ADNP2: variants seen among roughly 807,000 people sequenced by gnomAD.
The protein encoded by ADNP2 is activity-dependent neuroprotector homeobox protein 2.
In ADNP2, 8 loss-of-function variants were observed where a neutral mutation model predicts 16.4. That is an observed-to-expected ratio of 0.49 (90% CI 0.29 to 0.88). The LOEUF is 0.88. ADNP2 is among the 40% of genes least tolerant of loss of function. ADNP2 has a pLI of 0.09. For missense variants in ADNP2, 1,397 were observed against 1,395.1 expected, an observed-to-expected ratio of 1.00 and a Z score of -0.02; for synonymous variants, 637 against 545.8, an observed-to-expected ratio of 1.17 and a Z score of -2.33.
At position 80,136,886 on chromosome 18, in the gene ADNP2, G is replaced by T; in HGVS notation, c.1473G>T (p.Gln491His). The T allele has an allele frequency of 6.2e-7, 1 of 1,614,174 alleles. No individual in the cohort carries two copies. The highest frequency in any genetic ancestry group is 8.5e-7 in the Non-Finnish European group (1 of 1,180,018). The change falls in exon 4 of 4, where the codon CAG becomes CAT. Residue 491 changes from glutamine (Q) to histidine (H), a missense_variant. Coordinates refer to ENST00000262198, the MANE Select transcript of ADNP2 (RefSeq NM_014913.4). ...AGTCAGGAGTTCTCCCTGTGGGCCA[G>T]ACAGCTCCGTCACGGGTTCTTCCCC... Reference protein sequence around the residue: ...MVQSGVLPVGQTAPSRVLPPG... With the variant: ...MVQSGVLPVGHTAPSRVLPPG...
At chr18:80,133,834 A>AT (rs746819845) in intron 3 of ADNP2, 1,476 of 144,790 alleles carry the variant, frequency 0.01, 7 homozygotes, top group Non-Finnish European at 0.014. Flanking sequence ...CGTTGTCAGA[A>AT]TTTTTTTTTT....
chr18:80,140,334 A>G lies in ADNP2; in HGVS notation c.*1525A>G, dbSNP rs920021942. On this transcript the variant is annotated 3_prime_UTR_variant, in exon 4 of 4. Coordinates refer to ENST00000262198, the MANE Select transcript of ADNP2 (RefSeq NM_014913.4). ...TGTCTATTTTGAATTAAAATTTGTT[A>G]CACCGCTGCAAATAGAACTGTTTAA... The G allele has an allele frequency of 1.3e-5, 2 of 152,340 alleles. No homozygotes were observed. Among genetic ancestry groups the G allele is most frequent in the Admixed American group, 1.3e-4 (2 of 15,244 alleles). 9.4% of individuals were successfully genotyped at this position (152,340 alleles called of 1,614,324 possible). A position where few individuals can be genotyped will look rare whatever the true frequency, so the allele number is the denominator to read the frequency against.
Position 80,137,967 on chromosome 18 carries a change from C to T in ADNP2, c.2554C>T (p.Leu852=), listed in dbSNP as rs770021655. 2.5e-6 allele frequency: 4 copies of T among 1,613,290 alleles called. No homozygotes were observed. Among genetic ancestry groups the T allele is most frequent in the South Asian group, 2.2e-5 (2 of 91,080 alleles). ...AILAGIHSKS[L]VPVYVKVRPQ... ...CCTGGCTGGGATACACTCCAAGTCA[C>T]TGGTGCCTGTGTATGTGAAGGTGAG... The change falls in exon 4 of 4, where the codon CTG becomes TTG. Residue 852 remains leucine (L), a synonymous_variant. Coordinates refer to ENST00000262198, the MANE Select transcript of ADNP2 (RefSeq NM_014913.4). The surrounding 1 kb of genome is among the most constrained non-coding windows in gnomAD (Gnocchi z 4.2).
chr18:80,126,875 G>A (rs941461103), intron 2 of ADNP2, among the ~76,000 whole-genome samples: 1 of 152,076 alleles, frequency 6.6e-6, no homozygotes, highest in South Asian at 2.1e-4. Flanking sequence ...AGTCAACCAC[G>A]GTTTGAAAAT....
intron 2 of ADNP2, among the ~76,000 whole-genome samples, chr18:80,122,370 T>A (rs2052430439): frequency 6.6e-6 from 1 of 152,232 alleles, no homozygotes; most frequent in African/African-American, 2.4e-5. Flanking sequence ...GATAGACTTT[T>A]CCATTTCTGC....
intron 3 of ADNP2, 46 bp downstream of exon 3, chr18:80,133,238 CAGTGACTGTAAA>C: frequency 6.9e-7 from 1 of 1,459,056 alleles, no homozygotes; most frequent in African/African-American, 1.4e-5. Context: ...CAAAAGTGAG[CAGTGACTGTAAA>C]TGTGGTCTAA....
chr18:80,126,556 T>C (rs2052460290), intron 2 of ADNP2, among the ~76,000 whole-genome samples: 1 of 152,200 alleles, frequency 6.6e-6, no homozygotes, highest in Non-Finnish European at 1.5e-5. Flanking sequence ...TTTTCCCCTT[T>C]TTATATTTTA....
chr18:80,122,075 A>G (rs2052428886), intron 2 of ADNP2, among the ~76,000 whole-genome samples: 1 of 152,014 alleles, frequency 6.6e-6, no homozygotes, highest in African/African-American at 2.4e-5. Context: ...GCCTACCACC[A>G]TGTCTGGCTA....
At position 80,136,935 on chromosome 18, in the gene ADNP2, G is replaced by T. The variant is rs2052541803; in HGVS notation, c.1522G>T (p.Val508Phe). 1 of 1,613,746 alleles carries T rather than the reference G, an allele frequency of 6.2e-7. No individual in the cohort carries two copies. The highest frequency in any genetic ancestry group is 8.5e-7 in the Non-Finnish European group (1 of 1,179,822). ...CCCAGGCCAGACAGCCCCATTGAGG[G>T]TTATCTCTGCAGGCCAGGTGGTCCC... ...LPPGQTAPLR[V>F]ISAGQVVPSG... is the part of the protein sequence containing the mutation. Residue 508 changes from valine (V) to phenylalanine (F), a missense_variant, in exon 4 of 4, where the codon GTT (valine) becomes TTT (phenylalanine). Transcript: ENST00000262198.
Position 80,114,404 on chromosome 18 carries a change from T to C in ADNP2, c.-13-3126T>C, listed in dbSNP as rs544393620. ...ATTTGCCACTTGAGTTTGACTGATA[T>C]ATATTTTAGCTTTTATAGCCTACAC... On this transcript the variant is annotated intron_variant, in intron 1 of 3. Transcript: ENST00000262198. Among the ~76,000 whole-genome samples, 9 of 152,190 alleles carry C rather than the reference T, an allele frequency of 5.9e-5. No individual in the cohort carries two copies. The South Asian group carries it at 6.2e-4, about 11-fold the overall frequency.
chr18:80,128,629 G>A (rs1405311464), intron 2 of ADNP2, among the ~76,000 whole-genome samples: 2 of 152,070 alleles, frequency 1.3e-5, no homozygotes, highest in Non-Finnish European at 2.9e-5. Context: ...CAGCCTGGGC[G>A]ACAGAGCAAG....
chr18:80,135,178 T>G (rs1163745140), intron 3 of ADNP2, among the ~76,000 whole-genome samples: 1 of 152,206 alleles, frequency 6.6e-6, no homozygotes, highest in Non-Finnish European at 1.5e-5. Context: ...AACTATGAGT[T>G]GTGAGCCAAA....
At chr18:80,110,567 G>T (rs2052351234) in intron 1 of ADNP2, among the ~76,000 whole-genome samples, 2 of 152,140 alleles carry the variant, frequency 1.3e-5, no homozygotes, top group African/African-American at 4.8e-5. Flanking sequence ...ATTTTTGGGG[G>T]TGAGGAGCAT....
intron 2 of ADNP2, among the ~76,000 whole-genome samples, chr18:80,129,096 TTTTTTTTTG>T (rs1461513736): frequency 1.2e-5 from 1 of 83,442 alleles, no homozygotes; most frequent in Non-Finnish European, 2.3e-5. Context: ...TACCCAGAAC[TTTTTTTTTG>T]TTTTTTTTTT....
At chr18:80,126,720 A>AT (rs1194638486) in intron 2 of ADNP2, among the ~76,000 whole-genome samples, 1 of 151,506 alleles carries the variant, frequency 6.6e-6, no homozygotes, top group Non-Finnish European at 1.5e-5. Flanking sequence ...GAGCTTCTTG[A>AT]TTTTGTGGGT....
chr18:80,132,917 C>T (rs372843489), intron 2 of ADNP2, among the ~76,000 whole-genome samples, 186 bp from the exon 3 acceptor site: 3 of 152,066 alleles, frequency 2.0e-5, no homozygotes, highest in Non-Finnish European at 4.4e-5. Context: ...GATGGAGTTT[C>T]GCCATGTTGG....
At chr18:80,119,264 C>T (rs1459196440) in intron 2 of ADNP2, among the ~76,000 whole-genome samples, 2 of 152,010 alleles carry the variant, frequency 1.3e-5, no homozygotes, top group African/African-American at 4.8e-5. Flanking sequence ...AGAAACCAAT[C>T]TGACCAATTT....
chr18:80,137,691 G>C lies in ADNP2; in HGVS notation c.2278G>C (p.Glu760Gln), dbSNP rs1175902394. 6.2e-7 allele frequency: 1 copy of C among 1,614,216 alleles called. No individual in the cohort carries two copies. Among genetic ancestry groups the C allele is most frequent in the East Asian group, 2.2e-5 (1 of 44,890 alleles). ...TTGTAAGTGCTTGGTCTCTGAGGAA[G>C]AGCTTATACACCACTTGCTGATGCA... Reference protein sequence around the residue: ...LSCKCLVSEEELIHHLLMHGL... With the variant: ...LSCKCLVSEEQLIHHLLMHGL... The change falls in exon 4 of 4, where the codon GAG (glutamate) becomes CAG (glutamine). Residue 760 changes from glutamate (E) to glutamine (Q), a missense_variant. Physicochemically the swap from Glu to Gln is conservative, Grantham distance 29. This residue lies in a region of ADNP2 where 611 missense variants were observed against 648.7 expected (regional missense o/e 0.94). Transcript: ENST00000262198. This position sits in a 1 kb window ranked among gnomAD's most constrained non-coding sequence, Gnocchi z 4.2.
In ADNP2 at chr18:80,133,111, A is replaced by C; in HGVS notation, c.117A>C (p.Lys39Asn). 1 of 1,603,498 alleles carries C rather than the reference A, an allele frequency of 6.2e-7. No homozygotes were observed. Among genetic ancestry groups the C allele is most frequent in the Non-Finnish European group, 8.5e-7 (1 of 1,175,968 alleles). Residue 39 changes from lysine to asparagine, a missense_variant, in exon 3 of 4, where the codon AAA (lysine) becomes AAC (asparagine). By Grantham distance (94) the Lys-to-Asn change is moderately conservative (BLOSUM62 0). Around this residue, in one of 3 missense-constraint regions of ADNP2, gnomAD observed 777 missense variants for 719.4 expected, o/e 1.08. Coordinates refer to ENST00000262198, the MANE Select transcript of ADNP2 (RefSeq NM_014913.4). The stretch of plus-strand genomic sequence containing the variant: ...TTCTCCCTTTTTAAAAGGACCTTAA[A>C]GGCTTTGATCCAGGAGAGAAATACT... ...DSCKELLKDL[K>N]GFDPGEKYFH...
Sources: allele counts gnomAD v4.1 joint callset (sites outside exome capture counted in the v4.1 genomes callset), GRCh38; gene constraint gnomAD v4.1.1; regional missense constraint gnomAD v4.1.1; non-coding constraint Gnocchi (gnomAD v3.1); transcripts MANE v1.5; gene names NCBI Gene and HGNC (gene_info 2026-07-23, HGNC 2026-07-21).